The following TCF12 variants were observed in gnomAD, a reference collection of about 807,000 sequenced individuals.
The protein encoded by TCF12 is DNA-binding protein HTF4.
TCF12 carries 45 observed loss-of-function variants against 86.0 expected under a neutral mutation model. That is an observed-to-expected ratio of 0.52 (90% confidence interval 0.41 to 0.67). TCF12 has a LOEUF of 0.67. Among genes scored for constraint, TCF12 ranks in the 30% least tolerant of loss-of-function variants. The pLI, the probability that TCF12 is intolerant of heterozygous loss-of-function variation, is 0.00. For missense variants in TCF12, 881 were observed against 859.9 expected (o/e 1.02, Z -0.31); for synonymous variants, 330 against 299.6 (o/e 1.10, Z -1.05).
At chr15:57,247,449 C>T in intron 13 of TCF12, 1 of 708,278 alleles carries the variant, frequency 1.4e-6, no homozygotes, top group South Asian at 1.4e-5. Context: ...TTAGAAAGGG[C>T]CTTTTTTACT....
chr15:56,990,458 A>G (rs770565730), intron 3 of TCF12, among the ~76,000 whole-genome samples: 6 of 152,062 alleles, frequency 3.9e-5, no homozygotes, highest in Non-Finnish European at 1.5e-5. Context: ...TCTTCAAAGA[A>G]AGCTCCATCA....
intron 3 of TCF12, among the ~76,000 whole-genome samples, chr15:56,949,480 A>G: frequency 6.6e-6 from 1 of 152,268 alleles, no homozygotes; most frequent in East Asian, 1.9e-4. Flanking sequence ...TGTATGAATT[A>G]AAAGCATTTC....
chr15:57,191,465 A>C (rs2056976433), intron 6 of TCF12, among the ~76,000 whole-genome samples: 2 of 152,186 alleles, frequency 1.3e-5, no homozygotes, highest in South Asian at 4.1e-4. Flanking sequence ...CCATCTCTAA[A>C]AAGAAAAAAG....
At chr15:57,169,443 C>T (rs1306264056) in intron 6 of TCF12, among the ~76,000 whole-genome samples, 2 of 152,116 alleles carry the variant, frequency 1.3e-5, no homozygotes, top group Non-Finnish European at 1.5e-5. Context: ...GTTCAAGTCC[C>T]ATCTCTGCAC....
intron 8 of TCF12, among the ~76,000 whole-genome samples, chr15:57,221,573 C>G (rs2058600075): frequency 6.6e-6 from 1 of 151,824 alleles, no homozygotes; most frequent in South Asian, 2.1e-4. Context: ...AGTGGTATTT[C>G]CAGGCTTATG....
At chr15:57,148,132 C>T (rs900174676) in intron 5 of TCF12, among the ~76,000 whole-genome samples, 15 of 152,010 alleles carry the variant, frequency 9.9e-5, no homozygotes, top group Admixed American at 3.9e-4. Flanking sequence ...CATCCTCCCA[C>T]CTTGGCCTTC....
intron 6 of TCF12, among the ~76,000 whole-genome samples, chr15:57,188,358 A>C (rs1188817925): frequency 3.3e-5 from 5 of 152,220 alleles, no homozygotes; most frequent in African/African-American, 1.2e-4. Context: ...TCTGGTATTC[A>C]GTCCATTTGA....
At chr15:57,077,231 A>T (rs1273610103) in intron 4 of TCF12, among the ~76,000 whole-genome samples, 1 of 151,930 alleles carries the variant, frequency 6.6e-6, no homozygotes, top group Non-Finnish European at 1.5e-5. Context: ...TCTGTAGATC[A>T]GTTGGAGGGG....
intron 14 of TCF12, among the ~76,000 whole-genome samples, chr15:57,251,727 CTT>C (rs568112706): frequency 6.6e-6 from 1 of 152,038 alleles, no homozygotes; most frequent in Admixed American, 6.6e-5. Context: ...TAAAGGGAAA[CTT>C]TTTTTAAAAA....
intron 3 of TCF12, among the ~76,000 whole-genome samples, chr15:57,021,435 A>G (rs903204411): frequency 4.6e-5 from 7 of 152,186 alleles, no homozygotes; most frequent in African/African-American, 1.4e-4. Flanking sequence ...GGCGGATCAC[A>G]AGGTCAGAAA....
chr15:57,223,190 A>G (rs1203205607), intron 8 of TCF12, among the ~76,000 whole-genome samples: 1 of 151,930 alleles, frequency 6.6e-6, no homozygotes, highest in Admixed American at 6.6e-5. Flanking sequence ...AACCTCACCT[A>G]TTTTGTAAGT....
At chr15:57,054,366 C>T (rs1458946590) in intron 3 of TCF12, among the ~76,000 whole-genome samples, 1 of 152,186 alleles carries the variant, frequency 6.6e-6, no homozygotes, top group Non-Finnish European at 1.5e-5. Context: ...ACTTATGATC[C>T]TAATGGGTAC....
intron 3 of TCF12, among the ~76,000 whole-genome samples, chr15:56,966,608 T>C (rs1595888753): frequency 6.6e-6 from 1 of 152,250 alleles, no homozygotes; most frequent in East Asian, 1.9e-4. Flanking sequence ...TTGCAGTCAC[T>C]TGATGTCCGA....
intron 4 of TCF12, among the ~76,000 whole-genome samples, chr15:57,065,327 C>T (rs1473716533): frequency 6.6e-6 from 1 of 152,162 alleles, no homozygotes; most frequent in African/African-American, 2.4e-5. Flanking sequence ...GCTATTTAAT[C>T]TTGGACGCAT....
intron 16 of TCF12, among the ~76,000 whole-genome samples, chr15:57,256,745 G>A (rs550068618): frequency 1.3e-5 from 2 of 152,134 alleles, no homozygotes; most frequent in African/African-American, 2.4e-5. Context: ...GAATTCATGA[G>A]GTCAGCTTCT....
chr15:57,095,135 A>G (rs1195370560), intron 5 of TCF12, among the ~76,000 whole-genome samples: 1 of 152,154 alleles, frequency 6.6e-6, no homozygotes, highest in East Asian at 1.9e-4. Flanking sequence ...TTCGAGTGAA[A>G]TAAGTACATC....
chr15:57,100,209 C>T (rs1382032374), intron 5 of TCF12, among the ~76,000 whole-genome samples: 2 of 152,088 alleles, frequency 1.3e-5, no homozygotes, highest in Non-Finnish European at 2.9e-5. Flanking sequence ...AGGTGGATGA[C>T]AGGGGCCGTG....
intron 3 of TCF12, among the ~76,000 whole-genome samples, chr15:56,972,563 T>C (rs1312273754): frequency 6.6e-6 from 1 of 152,042 alleles, no homozygotes; most frequent in Non-Finnish European, 1.5e-5. Flanking sequence ...GAAGCCAAGA[T>C]AAGATAATAT....
At chr15:57,016,736 C>A (rs1021479013) in intron 3 of TCF12, among the ~76,000 whole-genome samples, 5 of 151,960 alleles carry the variant, frequency 3.3e-5, no homozygotes, top group South Asian at 4.1e-4. Flanking sequence ...GCACTGACTG[C>A]CTTTGTTTTG....
Sources: gnomAD v4.1 joint callset for allele counts (sites outside exome capture counted in the v4.1 genomes callset) on GRCh38, gnomAD v4.1.1 for gene constraint, MANE v1.5 for transcripts, NCBI Gene and HGNC (gene_info 2026-07-23, HGNC 2026-07-21) for gene names.